The following SLC4A5 variants were observed in gnomAD, a reference collection of about 807,000 sequenced individuals.
SLC4A5 encodes solute carrier family 4 member 5, also known as electrogenic sodium bicarbonate cotransporter 4.
In SLC4A5, 96 loss-of-function variants were observed where a neutral mutation model predicts 120.4. That is an observed-to-expected ratio of 0.80 (90% CI 0.68 to 0.94). The LOEUF is 0.94. SLC4A5 is among the 40% of genes least tolerant of loss of function. The pLI is 0.00. For missense variants in SLC4A5, 1,259 were observed against 1,459.5 expected (o/e 0.86, Z 2.24); for synonymous variants, 550 against 571.1 (o/e 0.96, Z 0.53).
chr2:74,269,101 C>T (rs2104072799), intron 8 of SLC4A5, among the ~76,000 whole-genome samples: 1 of 152,264 alleles, frequency 6.6e-6, no homozygotes, highest in Admixed American at 6.5e-5. Context: ...TGGGAAATAT[C>T]ATTTAAATTA....
intron 8 of SLC4A5, among the ~76,000 whole-genome samples, chr2:74,273,116 C>T (rs974892202): frequency 6.6e-6 from 1 of 152,106 alleles, no homozygotes; most frequent in Non-Finnish European, 1.5e-5. Flanking sequence ...AATCAGACAT[C>T]AATATTTTTT....
Position 74,255,499 on chromosome 2 carries a change from T to A in SLC4A5, c.1025+276A>T, listed in dbSNP as rs184177040. ...TAGTAGAGACGGGGTTTCACCTTGT[T>A]GGCCAGGCTGGTCTCGAACTCCTGA... On this transcript the variant is annotated intron_variant, in intron 13 of 30. Coordinates refer to ENST00000394019, the Ensembl canonical transcript of SLC4A5. This position sits in a 1 kb window ranked among gnomAD's most constrained non-coding sequence, Gnocchi z 4.0. Among the ~76,000 whole-genome samples the A allele has an allele frequency of 1.1e-3, 163 of 152,222 alleles. No individual in the cohort carries two copies. The highest frequency in any genetic ancestry group is 3.7e-3 in the African/African-American group (154 of 41,534).
At chr2:74,333,601 G>C (rs886348123) in intron 4 of SLC4A5, among the ~76,000 whole-genome samples, 10 of 152,146 alleles carry the variant, frequency 6.6e-5, no homozygotes, top group African/African-American at 2.4e-4. Context: ...GATAAACAGA[G>C]GATTGCATAG....
chr2:74,232,140 T>A (rs1670109686), intron 24 of SLC4A5, among the ~76,000 whole-genome samples: 1 of 151,640 alleles, frequency 6.6e-6, no homozygotes, highest in South Asian at 2.1e-4. Context: ...GCCTGGAGGG[T>A]CTTGAGGAAG....
exon 17 of SLC4A5, chr2:74,250,414 T>C: frequency 6.2e-7 from 1 of 1,613,976 alleles, no homozygotes; most frequent in South Asian, 1.1e-5. Flanking sequence ...CCGAGGTAGA[T>C]GAATAGGATG....
At chr2:74,295,527 G>A (rs966217612) in intron 7 of SLC4A5, among the ~76,000 whole-genome samples, 2 of 151,922 alleles carry the variant, frequency 1.3e-5, no homozygotes, top group Non-Finnish European at 2.9e-5. Flanking sequence ...CCAGCTACTC[G>A]GGAGGCAGAG....
At chr2:74,304,718 A>C (rs1447362494) in intron 6 of SLC4A5, 38 bp from the exon 7 acceptor site, 1 of 1,567,508 alleles carries the variant, frequency 6.4e-7, no homozygotes, top group Non-Finnish European at 8.6e-7. Flanking sequence ...AGGCAGGGTT[A>C]CTGAAAATTG....
chr2:74,225,027 A>T (rs1389056910), intron 27 of SLC4A5, 32 bp from the exon 28 acceptor site: 4 of 1,592,556 alleles, frequency 2.5e-6, no homozygotes, highest in Non-Finnish European at 3.4e-6. Context: ...GTTTTGTGAG[A>T]ATTTGGAGAA....
At position 74,253,546 on chromosome 2, in the gene SLC4A5, T is replaced by C. The variant is rs1670862466; in HGVS notation, c.1114-418A>G. On this transcript the variant is annotated intron_variant, in intron 14 of 30. Coordinates refer to ENST00000394019, the Ensembl canonical transcript of SLC4A5. ...TGTTCTTCACACTGTCTCCAGAGTG[T>C]GCTTTCTGACTTACAGATTCGATGG... is the stretch of plus-strand genomic sequence containing the variant. 3.3e-5 allele frequency among the ~76,000 whole-genome samples: 5 copies of C among 152,132 alleles called. No individual in the cohort carries two copies. In the South Asian group the frequency reaches 1.0e-3, roughly 32 times the overall value.
In SLC4A5 at chr2:74,255,528, C is replaced by T. The variant is rs1282718692; in HGVS notation, c.1025+247G>A. ...CAGGCTGGTCTCGAACTCCTGACCTCATGATCTGCCCACCTTGGCATCCCA... is the reference window on the plus strand; with the variant it reads ...CAGGCTGGTCTCGAACTCCTGACCTTATGATCTGCCCACCTTGGCATCCCA... On this transcript the variant is annotated intron_variant, in intron 13 of 30. Transcript: ENST00000394019. The surrounding 1 kb of genome is among the most constrained non-coding windows in gnomAD (Gnocchi z 4.0). Among the ~76,000 whole-genome samples the T allele has an allele frequency of 6.6e-6, 1 of 152,112 alleles. No individual in the cohort carries two copies. Among genetic ancestry groups the T allele is most frequent in the Non-Finnish European group, 1.5e-5 (1 of 68,012 alleles).
At chr2:74,322,389 T>C (rs1673119065) in intron 5 of SLC4A5, among the ~76,000 whole-genome samples, 2 of 152,090 alleles carry the variant, frequency 1.3e-5, no homozygotes. Flanking sequence ...ATTATTTACA[T>C]AAAACTTTAA....
At chr2:74,328,079 G>A in intron 5 of SLC4A5, 41 bp downstream of exon 5, 5 of 966,178 alleles carry the variant, frequency 5.2e-6, no homozygotes, top group Non-Finnish European at 6.2e-6. Context: ...TATCTGCATA[G>A]CTCTGTCTAC....
exon 11 of SLC4A5, chr2:74,262,183 G>C: frequency 6.2e-7 from 1 of 1,613,916 alleles, no homozygotes. Flanking sequence ...GGTCTTCCGT[G>C]GAGTGGTGTA....
chr2:74,228,211 C>T (rs1694917402), intron 25 of SLC4A5, among the ~76,000 whole-genome samples: 1 of 152,228 alleles, frequency 6.6e-6, no homozygotes, highest in Non-Finnish European at 1.5e-5. Flanking sequence ...CTCATTCCTG[C>T]CCAGCTTCTT....
intron 19 of SLC4A5, among the ~76,000 whole-genome samples, chr2:74,245,470 T>C (rs1287212813): frequency 6.6e-6 from 1 of 152,210 alleles, no homozygotes; most frequent in Non-Finnish European, 1.5e-5. Flanking sequence ...AGGAGGGCCC[T>C]GATGGGGCTT....
At position 74,312,701 on chromosome 2, in the gene SLC4A5, G is replaced by A. The variant is rs191277913; in HGVS notation, c.79+2244C>T. Among the ~76,000 whole-genome samples the A allele has an allele frequency of 3.4e-3, 524 of 152,256 alleles. 1 individual carries two copies. The highest frequency in any genetic ancestry group is 6.0e-3 in the Non-Finnish European group (407 of 68,016). The stretch of plus-strand genomic sequence containing the variant: ...TAATCTCAGCACTTTGGGAGGCTGA[G>A]GTGAGTGGATCACTTGAGGCCAGGA... On this transcript the variant is annotated intron_variant, in intron 6 of 30. Transcript: ENST00000394019.
chr2:74,296,208 C>T lies in SLC4A5; in HGVS notation c.271+8281G>A, dbSNP rs373637523. 5.3e-5 allele frequency among the ~76,000 whole-genome samples: 8 copies of T among 152,080 alleles called. No homozygotes were observed. In the East Asian group the frequency reaches 7.7e-4, roughly 15 times the overall value. On this transcript the variant is annotated intron_variant, in intron 7 of 30. Coordinates refer to ENST00000394019, the Ensembl canonical transcript of SLC4A5. ...GTATATGTTGAAAATTCGGGGCGAT[C>T]TTGGTTTTAAGGTGTTAAAGGGCAA...
intron 6 of SLC4A5, chr2:74,306,632 C>T (rs754564380): frequency 3.6e-5 from 16 of 440,198 alleles, no homozygotes; most frequent in Middle Eastern, 7.6e-4. Flanking sequence ...CATGTGTTTT[C>T]AAGGTTTGAT....
At chr2:74,224,289 T>C (rs1374441336) in intron 28 of SLC4A5, among the ~76,000 whole-genome samples, 2 of 152,184 alleles carry the variant, frequency 1.3e-5, no homozygotes, top group Admixed American at 1.3e-4. Flanking sequence ...GGCAACCATG[T>C]TGTCCCAGAC....
Sources: gnomAD v4.1 joint callset for allele counts (sites outside exome capture counted in the v4.1 genomes callset) on GRCh38, gnomAD v4.1.1 for gene constraint, Gnocchi (gnomAD v3.1) non-coding constraint, MANE v1.5 for transcripts, NCBI Gene and HGNC (gene_info 2026-07-23, HGNC 2026-07-21) for gene names.